MPZL1: variants seen among roughly 807,000 people sequenced by gnomAD.
MPZL1 encodes the protein myelin protein zero like 1.
Under a neutral mutation model 29.3 loss-of-function variants are expected in MPZL1, and 16 were observed. The ratio of observed to expected loss-of-function variants is 0.55; its 90% confidence interval spans 0.37 to 0.83. The LOEUF (loss-of-function observed/expected upper bound fraction) is 0.83. Ranked by LOEUF, MPZL1 falls within the 40% of genes least tolerant of loss-of-function variation. MPZL1 has a pLI of 0.00. For missense variants in MPZL1, 279 were observed against 332.9 expected (o/e 0.84, Z 1.26); for synonymous variants, 143 against 132.0 (o/e 1.08, Z -0.57).
chr1:167,732,101 G>A (rs1346226851), intron 1 of MPZL1, among the ~76,000 whole-genome samples: 4 of 152,102 alleles, frequency 2.6e-5, no homozygotes, highest in Non-Finnish European at 5.9e-5. Flanking sequence ...GTACTCTCTA[G>A]GGACTACTAC....
chr1:167,788,577 A>C lies in MPZL1; in HGVS notation c.*656A>C, dbSNP rs528889612. The C allele has an allele frequency of 6.6e-6, 1 of 152,354 alleles. No homozygotes were observed. Among genetic ancestry groups the C allele is most frequent in the South Asian group, 2.1e-4 (1 of 4,826 alleles). The allele number at this position is 152,354 out of a possible 1,614,324, so 9.4% of individuals were successfully genotyped here. On this transcript the variant is annotated 3_prime_UTR_variant, in exon 6 of 6. Transcript: ENST00000359523. ...TGCACCCTTGAAATGTGTCATATCA[A>C]TTTCTGGATTCATAATAGCAAGATT...
Position 167,732,762 on chromosome 1 carries a change from A to G in MPZL1, c.91+10520A>G, listed in dbSNP as rs183227622. ...CTCCTGAGTAGCTGGGATTACAGGC[A>G]TGCACTGCCATACCTGGCTAATTTT... On this transcript the variant is annotated intron_variant, in intron 1 of 5. Coordinates refer to ENST00000359523, the MANE Select transcript of MPZL1 (RefSeq NM_003953.6). 6.0e-3 allele frequency among the ~76,000 whole-genome samples: 912 copies of G among 152,304 alleles called. 14 individuals are homozygous for G. The highest frequency in any genetic ancestry group is 0.021 in the African/African-American group (880 of 41,564).
At chr1:167,772,080 G>A (rs1009158386) in intron 2 of MPZL1, among the ~76,000 whole-genome samples, 195 bp from the exon 3 acceptor site, 1 of 152,156 alleles carries the variant, frequency 6.6e-6, no homozygotes, top group African/African-American at 2.4e-5. Flanking sequence ...CCAAGATCAC[G>A]GCAGTACAGT....
intron 1 of MPZL1, among the ~76,000 whole-genome samples, chr1:167,748,170 C>T (rs550073731): frequency 1.3e-5 from 2 of 152,126 alleles, no homozygotes; most frequent in African/African-American, 2.4e-5. Flanking sequence ...CTTAGGATTG[C>T]TATTGCTGAG....
chr1:167,729,833 C>T lies in MPZL1; in HGVS notation c.91+7591C>T, dbSNP rs567556695. ...CTAAACGATTTACTTATATACTCCT[C>T]ACAGCTCTGTGCAATAATTATTTTT... On this transcript the variant is annotated intron_variant, in intron 1 of 5. Transcript: ENST00000359523. Among the ~76,000 whole-genome samples, 34 of 152,312 alleles carry T rather than the reference C, an allele frequency of 2.2e-4. No individual in the cohort carries two copies. In the South Asian group the frequency reaches 6.6e-3, roughly 30 times the overall value.
At chr1:167,766,385 G>C (rs995078264) in intron 2 of MPZL1, among the ~76,000 whole-genome samples, 2 of 152,168 alleles carry the variant, frequency 1.3e-5, no homozygotes, top group Non-Finnish European at 2.9e-5. Context: ...TGACTATCTT[G>C]GTTCTGGTCT....
intron 1 of MPZL1, among the ~76,000 whole-genome samples, chr1:167,739,282 C>CATATATATATATATATATACATATAT (rs1660456775): frequency 2.2e-5 from 2 of 90,440 alleles, no homozygotes; most frequent in African/African-American, 1.3e-4. Context: ...TACATATATA[C>CATATATATATATATATATACATATAT]ATATATATAT....
intron 1 of MPZL1, among the ~76,000 whole-genome samples, chr1:167,752,633 C>G (rs1660781835): frequency 6.6e-6 from 1 of 152,066 alleles, no homozygotes; most frequent in Admixed American, 6.5e-5. Context: ...TCCATTCCTC[C>G]CTCATATTTT....
At chr1:167,784,059 A>G (rs1213000789) in intron 5 of MPZL1, among the ~76,000 whole-genome samples, 1 of 152,164 alleles carries the variant, frequency 6.6e-6, no homozygotes, top group African/African-American at 2.4e-5. Context: ...CTGAGCAGTT[A>G]ATTTGTAGTT....
chr1:167,790,220 T>G lies in MPZL1; in HGVS notation c.*2299T>G, dbSNP rs559901323. The G allele has an allele frequency of 1.3e-5, 2 of 152,598 alleles. No homozygotes were observed. Among genetic ancestry groups the G allele is most frequent in the South Asian group, 4.1e-4 (2 of 4,830 alleles). The allele number at this position is 152,598 out of a possible 1,614,324, so 9.5% of individuals were successfully genotyped here. ...CGGGACCATGTGTTGGTGAAGCTGG[T>G]GCTGTGGGGGCCACTCACTCGAATG... On this transcript the variant is annotated 3_prime_UTR_variant, in exon 6 of 6. Coordinates refer to ENST00000359523, the MANE Select transcript of MPZL1 (RefSeq NM_003953.6).
chr1:167,775,008 C>T (rs1661335580), intron 4 of MPZL1, among the ~76,000 whole-genome samples: 1 of 152,184 alleles, frequency 6.6e-6, no homozygotes, highest in Admixed American at 6.5e-5. Flanking sequence ...GTTGAGCATA[C>T]TATCTGGATG....
rs934945840 is a variant in MPZL1, at chr1:167,788,971, C to T, written c.*1050C>T. On this transcript the variant is annotated 3_prime_UTR_variant, in exon 6 of 6. Coordinates refer to ENST00000359523, the MANE Select transcript of MPZL1 (RefSeq NM_003953.6). ...AAGTGATTCTCCCTCCTCAGCCTCC[C>T]GAGTAGCTGGAACGAACTATAGTTG... 8 of 151,770 alleles carry T rather than the reference C, an allele frequency of 5.3e-5. No homozygotes were observed. The highest frequency in any genetic ancestry group is 1.9e-4 in the African/African-American group (8 of 41,268). 9.4% of individuals were successfully genotyped at this position (151,770 alleles called of 1,614,324 possible). A position where few individuals can be genotyped will look rare whatever the true frequency, so the allele number is the denominator to read the frequency against.
intron 1 of MPZL1, among the ~76,000 whole-genome samples, chr1:167,754,958 A>G (rs377508910): frequency 6.6e-6 from 1 of 152,142 alleles, no homozygotes; most frequent in African/African-American, 2.4e-5. Flanking sequence ...GGCCTCTCCT[A>G]TTATTGGTAT....
At chr1:167,756,382 C>T (rs1660869048) in intron 1 of MPZL1, among the ~76,000 whole-genome samples, 1 of 151,720 alleles carries the variant, frequency 6.6e-6, no homozygotes, top group Admixed American at 6.6e-5. Flanking sequence ...CTGCCTCAGC[C>T]TCCCAAAATG....
At chr1:167,738,757 T>C (rs1033342185) in intron 1 of MPZL1, among the ~76,000 whole-genome samples, 1 of 152,118 alleles carries the variant, frequency 6.6e-6, no homozygotes, top group Non-Finnish European at 1.5e-5. Flanking sequence ...ACATGCCTGC[T>C]CCCCATTCAC....
At chr1:167,727,937 C>T (rs1389414548) in intron 1 of MPZL1, among the ~76,000 whole-genome samples, 2 of 100,438 alleles carry the variant, frequency 2.0e-5, no homozygotes, top group Admixed American at 1.7e-4. Context: ...GGTGCAACCT[C>T]GGCTCACAGC....
chr1:167,774,015 ACTCCAAG>A (rs1661308349), intron 4 of MPZL1: 2 of 152,412 alleles, frequency 1.3e-5, no homozygotes, highest in African/African-American at 4.8e-5. Context: ...CCCCTACCCC[ACTCCAAG>A]CTTAAGTAGC....
At chr1:167,739,556 T>C (rs2101756544) in intron 1 of MPZL1, among the ~76,000 whole-genome samples, 1 of 152,176 alleles carries the variant, frequency 6.6e-6, no homozygotes, top group African/African-American at 2.4e-5. Flanking sequence ...ATTTACCTTA[T>C]ACAGATGTAG....
At chr1:167,731,416 G>A (rs954947147) in intron 1 of MPZL1, among the ~76,000 whole-genome samples, 4 of 151,132 alleles carry the variant, frequency 2.6e-5, no homozygotes, top group African/African-American at 4.9e-5. Context: ...TTGCCTGGGC[G>A]ACAGAGTAAA....
Sources: allele counts gnomAD v4.1 joint callset (sites outside exome capture counted in the v4.1 genomes callset), GRCh38; gene constraint gnomAD v4.1.1; transcripts MANE v1.5; gene names NCBI Gene and HGNC (gene_info 2026-07-23, HGNC 2026-07-21).